ZNF331: variants seen among roughly 807,000 people sequenced by gnomAD.
ZNF331 encodes zinc finger protein 331, also known as C2H2-like zinc finger protein rearranged in thyroid adenomas.
ZNF331 carries 2 observed loss-of-function variants against 7.0 expected under a neutral mutation model. That is an observed-to-expected ratio of 0.29 (90% CI 0.12 to 0.90). The LOEUF is 0.90. Among genes scored for constraint, ZNF331 ranks in the 40% least tolerant of loss-of-function variants. The pLI, the probability that ZNF331 is intolerant of heterozygous loss-of-function variation, is 0.58. For synonymous variants in ZNF331, 196 were observed against 205.4 expected (o/e 0.95, Z 0.39); for missense variants, 432 against 587.7 (o/e 0.74, Z 2.74).
the ZNF331 span, among the ~76,000 whole-genome samples, chr19:53,506,448 C>CTCTG: frequency 6.8e-3 from 306 of 44,752 alleles, 3 homozygotes; most frequent in African/African-American, 0.02. Flanking sequence ...CTCTCTGTCT[C>CTCTG]TCTCTCTCTC....
chr19:53,535,018 CAAAA>C (rs59509834), upstream of ZNF331, among the ~76,000 whole-genome samples: 17 of 127,314 alleles, frequency 1.3e-4, no homozygotes, highest in African/African-American at 2.6e-4. Context: ...AGCCTGTAAC[CAAAA>C]AAAAAAAAAA....
rs1395353026 is a variant in ZNF331, at chr19:53,573,146, G to C, written c.136+1416G>C. 1.3e-5 allele frequency among the ~76,000 whole-genome samples: 2 copies of C among 152,098 alleles called. No individual in the cohort carries two copies. Among genetic ancestry groups the C allele is most frequent in the Admixed American group, 1.3e-4 (2 of 15,262 alleles). On this transcript the variant is annotated intron_variant, in intron 5 of 5. Transcript: ENST00000449416. This position sits in a 1 kb window ranked among gnomAD's most constrained non-coding sequence, Gnocchi z 4.2. ...GTGCAGGAGAATCATTTGAACCTGGGAAGCAGAGGTTGCAGTGAGCCAAGA... is the reference window on the plus strand; with the variant it reads ...GTGCAGGAGAATCATTTGAACCTGGCAAGCAGAGGTTGCAGTGAGCCAAGA...
chr19:53,576,919 G>C lies in ZNF331; in HGVS notation c.359G>C (p.Arg120Thr), dbSNP rs1053617488. The C allele has an allele frequency of 1.5e-5, 25 of 1,614,006 alleles. No homozygotes were observed. The highest frequency in any genetic ancestry group is 2.0e-5 in the Non-Finnish European group (24 of 1,180,022). The change falls in exon 6 of 6, where the codon AGA becomes ACA. Residue 120 changes from arginine (R) to threonine (T), a missense_variant. By Grantham distance (71) the Arg-to-Thr change is moderately conservative. Coordinates refer to ENST00000449416, the MANE Select transcript of ZNF331 (RefSeq NM_001079906.2). ...RPATREGTPP[R>T]THQRHHKENS... The stretch of plus-strand genomic sequence containing the variant: ...GCTACTAGAGAAGGCACCCCTCCTA[G>C]AACACATCAGAGACATCATAAGGAG...
chr19:53,569,707 C>G (rs1218729578), intron 4 of ZNF331, among the ~76,000 whole-genome samples: 2 of 152,032 alleles, frequency 1.3e-5, no homozygotes, highest in African/African-American at 4.8e-5. Flanking sequence ...TCCCATCTGA[C>G]CACATGAGAA....
rs527391326 is a variant in ZNF331, at chr19:53,546,140, G to GAAAAAAAAAAAAAAAAAAAAAA, written c.-138+6879_-138+6880insAAAAAAAAAAAAAAAAAAAAAA. Among the ~76,000 whole-genome samples the GAAAAAAAAAAAAAAAAAAAAAA allele has an allele frequency of 1.7e-3, 192 of 113,430 alleles. 7 individuals carry two copies. Among genetic ancestry groups the GAAAAAAAAAAAAAAAAAAAAAA allele is most frequent in the East Asian group, 2.7e-3 (9 of 3,356 alleles). 74.4% of individuals were successfully genotyped at this position (113,430 alleles called of 152,430 possible). On this transcript the variant is annotated intron_variant, in intron 2 of 5. Coordinates refer to ENST00000449416, the MANE Select transcript of ZNF331 (RefSeq NM_001079906.2). ...CCTTCAGAAAAAGCATCCTGAGGGGGAAAAAAAAAAAAAAAAAAAAATTAT... is the reference window on the plus strand; with the variant it reads ...CCTTCAGAAAAAGCATCCTGAGGGGGAAAAAAAAAAAAAAAAAAAAAAAAAAAAAAAAAAAAAAAAAAATTAT...
At chr19:53,527,348 A>T (rs1221226122) in intron 2 of ZNF331, among the ~76,000 whole-genome samples, 1 of 152,104 alleles carries the variant, frequency 6.6e-6, no homozygotes, top group East Asian at 1.9e-4. Context: ...AAATGTCCAC[A>T]CCCTAATTCA....
At chr19:53,559,341 C>T (rs62650653) in intron 3 of ZNF331, among the ~76,000 whole-genome samples, 112,815 of 150,694 alleles carry the variant, frequency 0.75, 42,860 homozygotes, top group African/African-American at 0.89. Context: ...GAGACACACA[C>T]ATATACACAC....
rs2090758062 is a variant in ZNF331, at chr19:53,577,094, A to G, written c.534A>G (p.Gln178=). The change falls in exon 6 of 6, where the codon CAA becomes CAG. Residue 178 remains glutamine, a synonymous_variant. Coordinates refer to ENST00000449416, the MANE Select transcript of ZNF331 (RefSeq NM_001079906.2). ...FRWGNQLTQH[Q]KIHTGEKPYE... is the part of the protein sequence containing the mutation. ...GGGGCAATCAGCTTACTCAACATCA[A>G]AAAATTCATACTGGGGAGAAGCCCT... 6.2e-7 allele frequency: 1 copy of G among 1,614,128 alleles called. No individual in the cohort carries two copies.
At position 53,543,595 on chromosome 19, in the gene ZNF331, T is replaced by A. The variant is rs547384447; in HGVS notation, c.-138+4313T>A. 3.3e-3 allele frequency among the ~76,000 whole-genome samples: 504 copies of A among 152,258 alleles called. 1 individual carries two copies. Among genetic ancestry groups the A allele is most frequent in the Admixed American group, 5.2e-3 (79 of 15,292 alleles). On this transcript the variant is annotated intron_variant, in intron 2 of 5. Transcript: ENST00000449416. ...TTATGAATTTTTTAAAAATAAAAAC[T>A]ATAAAAAGAAAAACTTTTTTTAAAG...
chr19:53,548,831 ATTTTTCTT>A lies in ZNF331; in HGVS notation c.-137-7002_-137-6995del, dbSNP rs1167526764. ...TATGTCTTTAATCCATTTTGACTTC[ATTTTTCTT>A]TTTTTCTTTTTCTTCTTTTTTTTTT... On this transcript the variant is annotated intron_variant, in intron 2 of 5. Transcript: ENST00000449416. 1.1e-4 allele frequency among the ~76,000 whole-genome samples: 16 copies of A among 148,648 alleles called. No homozygotes were observed. The East Asian group carries it at 1.6e-3, about 15-fold the overall frequency.
rs570016450 is a variant in ZNF331, at chr19:53,546,966, A to G, written c.-138+7684A>G. Among the ~76,000 whole-genome samples, 5 of 152,258 alleles carry G rather than the reference A, an allele frequency of 3.3e-5. No homozygotes were observed. In the South Asian group the frequency reaches 6.2e-4, roughly 19 times the overall value. ...GGGCAGAGGTTGGCAGCTGTCTTCA[A>G]TGGCAATTTGTGTATGTTTATGGTC... On this transcript the variant is annotated intron_variant, in intron 2 of 5. Transcript: ENST00000449416.
intron 2 of ZNF331, among the ~76,000 whole-genome samples, chr19:53,532,663 G>C (rs2087586902): frequency 6.6e-6 from 1 of 152,114 alleles, no homozygotes; most frequent in South Asian, 2.1e-4. Flanking sequence ...GCTGTTCTTT[G>C]ATCAGAAATT....
At chr19:53,535,018 CAA>C (rs59509834), upstream of ZNF331, among the ~76,000 whole-genome samples, 18,166 of 127,210 alleles carry the variant, frequency 0.14, 1,114 homozygotes, top group Non-Finnish European at 0.16. Flanking sequence ...AGCCTGTAAC[CAA>C]AAAAAAAAAA....
In ZNF331 at chr19:53,547,685, T is replaced by A. The variant is rs537359744; in HGVS notation, c.-137-8160T>A. 2.0e-5 allele frequency among the ~76,000 whole-genome samples: 3 copies of A among 151,866 alleles called. No homozygotes were observed. The East Asian group carries it at 5.8e-4, about 29-fold the overall frequency. On this transcript the variant is annotated intron_variant, in intron 2 of 5. Transcript: ENST00000449416. ...TCCTCACAGCCTTGCCAACATGTTATTTTTTTTGTTTGTTTTTTAATAAAA... is the reference window on the plus strand; with the variant it reads ...TCCTCACAGCCTTGCCAACATGTTAATTTTTTTGTTTGTTTTTTAATAAAA...
intron 2 of ZNF331, among the ~76,000 whole-genome samples, chr19:53,541,626 T>C (rs75975150): frequency 6.6e-6 from 1 of 152,210 alleles, no homozygotes; most frequent in East Asian, 1.9e-4. Context: ...ATATTTCTTA[T>C]AATAGGATTA....
chr19:53,579,098 C>A lies in ZNF331; in HGVS notation c.*1146C>A. The A allele has an allele frequency of 5.1e-6, 1 of 196,186 alleles. No homozygotes were observed. The highest frequency in any genetic ancestry group is 1.1e-5 in the Non-Finnish European group (1 of 94,486). 12.2% of individuals were successfully genotyped at this position (196,186 alleles called of 1,614,324 possible). ...ACAGGCGTGAGCCACTGCACCTAGCCCACTGATCACTCTTCTGCTTACAGA... is the reference window on the plus strand; with the variant it reads ...ACAGGCGTGAGCCACTGCACCTAGCACACTGATCACTCTTCTGCTTACAGA... On this transcript the variant is annotated 3_prime_UTR_variant, in exon 6 of 6. Transcript: ENST00000449416.
intron 2 of ZNF331, among the ~76,000 whole-genome samples, chr19:53,544,442 G>A (rs1261921585): frequency 1.3e-5 from 2 of 150,558 alleles, no homozygotes; most frequent in Admixed American, 6.6e-5. Context: ...CTACTCGGGA[G>A]GCTGAGGCAG....
chr19:53,540,438 T>C (rs1330092348), intron 2 of ZNF331, among the ~76,000 whole-genome samples: 1 of 151,348 alleles, frequency 6.6e-6, no homozygotes, highest in Non-Finnish European at 1.5e-5. Flanking sequence ...ATAGTCTTTT[T>C]TTTTCTGTAA....
At chr19:53,540,650 C>G (rs2088093752) in intron 2 of ZNF331, among the ~76,000 whole-genome samples, 1 of 152,066 alleles carries the variant, frequency 6.6e-6, no homozygotes, top group African/African-American at 2.4e-5. Flanking sequence ...TCAGGCTGGT[C>G]TCGAACTCCT....
Sources: allele counts gnomAD v4.1 joint callset (sites outside exome capture counted in the v4.1 genomes callset), GRCh38; gene constraint gnomAD v4.1.1; non-coding constraint Gnocchi (gnomAD v3.1); transcripts MANE v1.5; gene names NCBI Gene and HGNC (gene_info 2026-07-23, HGNC 2026-07-21).